The following POLA1 variants were observed in gnomAD, a reference collection of about 807,000 sequenced individuals.
POLA1 encodes DNA polymerase alpha catalytic subunit.
Under a neutral mutation model 124.0 loss-of-function variants are expected in POLA1, and 15 were observed. The observed-to-expected ratio is 0.12, with a 90% CI of 0.08 to 0.19. POLA1 has a LOEUF of 0.19. Ranked by LOEUF, POLA1 falls within the 10% of genes least tolerant of loss-of-function variation. The pLI is 1.00. For missense variants in POLA1, 886 were observed against 1,103.4 expected (o/e 0.80, Z 2.79); for synonymous variants, 408 against 389.4 (o/e 1.05, Z -0.56).
At chrX:24,788,875 T>C (rs2045429162) in intron 26 of POLA1, 1 of 1,198,267 alleles carries the variant, frequency 8.3e-7, no homozygotes, top group Non-Finnish European at 1.1e-6. Context: ...GGCTGGCCTT[T>C]TCCTTTTCGT....
chrX:24,881,701 G>A (rs1300921665), intron 34 of POLA1, among the ~76,000 whole-genome samples: 3 of 111,743 alleles, frequency 2.7e-5, no homozygotes, highest in Non-Finnish European at 5.6e-5. Flanking sequence ...ACAGTGCACC[G>A]CAGTGTGTGT....
At chrX:24,718,744 G>T (rs1245745580) in intron 10 of POLA1, among the ~76,000 whole-genome samples, 2 of 111,975 alleles carry the variant, frequency 1.8e-5, no homozygotes, top group Non-Finnish European at 3.8e-5. Flanking sequence ...CTGGTGTAGG[G>T]TAATGGGGAA....
intron 36 of POLA1, among the ~76,000 whole-genome samples, chrX:24,949,256 A>G (rs1202297768): frequency 1.8e-5 from 2 of 111,768 alleles, no homozygotes; most frequent in African/African-American, 3.2e-5. Flanking sequence ...AAATTTCTAA[A>G]TGGTTGCTAA....
chrX:24,729,910 T>G (rs1433350129), intron 15 of POLA1, among the ~76,000 whole-genome samples: 1 of 110,683 alleles, frequency 9.0e-6, no homozygotes, highest in Non-Finnish European at 1.9e-5. Flanking sequence ...GTTCCAGTGA[T>G]TCTCCTGCCT....
intron 2 of POLA1, among the ~76,000 whole-genome samples, chrX:24,702,573 A>G (rs924560465): frequency 8.9e-6 from 1 of 111,995 alleles, no homozygotes; most frequent in African/African-American, 3.2e-5. Flanking sequence ...GGCAGCCAAT[A>G]TGATTGGAGG....
intron 15 of POLA1, among the ~76,000 whole-genome samples, chrX:24,730,056 C>A (rs1266832591): frequency 1.8e-5 from 2 of 111,167 alleles, no homozygotes; most frequent in African/African-American, 6.6e-5. Flanking sequence ...CCCAGCCTCC[C>A]AAAGTGCTGG....
intron 32 of POLA1, among the ~76,000 whole-genome samples, chrX:24,837,093 A>G (rs1387416632): frequency 8.0e-5 from 9 of 111,813 alleles, no homozygotes; most frequent in Non-Finnish European, 1.5e-4. Flanking sequence ...TGTTCAACCT[A>G]CACAAACATC....
intron 34 of POLA1, among the ~76,000 whole-genome samples, chrX:24,861,156 G>A (rs1309031213): frequency 2.7e-5 from 3 of 111,736 alleles, no homozygotes; most frequent in African/African-American, 9.8e-5. Flanking sequence ...TTTGAGACAG[G>A]GTTTCCACTC....
In POLA1 at chrX:24,812,973, A is replaced by G. The variant is rs5944681; in HGVS notation, c.3296+110A>G. The G allele has an allele frequency of 0.25, 98,101 of 394,601 alleles. 8,347 individuals are homozygous for G. The highest frequency in any genetic ancestry group is 0.42 in the South Asian group (7,002 of 16,498). The allele number at this position is 394,601 out of a possible 1,213,427, so 32.5% of individuals were successfully genotyped here. A position where few individuals can be genotyped will look rare whatever the true frequency, so the allele number is the denominator to read the frequency against. On this transcript the variant is annotated intron_variant, in intron 29 of 36. Coordinates refer to ENST00000379068, the MANE Select transcript of POLA1 (RefSeq NM_001330360.2). ...TCAAGCCCAAGAACACTTCTTTGTTATTTTTATTATTCTTATTAATAAGAA... is the reference window on the plus strand; with the variant it reads ...TCAAGCCCAAGAACACTTCTTTGTTGTTTTTATTATTCTTATTAATAAGAA...
At chrX:24,773,446 G>A (rs896816797) in intron 26 of POLA1, among the ~76,000 whole-genome samples, 1 of 111,815 alleles carries the variant, frequency 8.9e-6, no homozygotes, top group Non-Finnish European at 1.9e-5. Context: ...CATACTGTGG[G>A]CTCCCTGAGC....
chrX:24,866,667 C>T (rs948374324), intron 34 of POLA1, among the ~76,000 whole-genome samples: 6 of 111,296 alleles, frequency 5.4e-5, no homozygotes, highest in African/African-American at 9.8e-5. Flanking sequence ...ATTGTTCCTA[C>T]GAAAAAAGAA....
At chrX:24,981,177 T>C (rs2048416534) in intron 36 of POLA1, among the ~76,000 whole-genome samples, 1 of 112,524 alleles carries the variant, frequency 8.9e-6, no homozygotes, top group Non-Finnish European at 1.9e-5. Flanking sequence ...GTTGTTGTGG[T>C]TGATGATTTA....
chrX:24,754,360 C>T (rs1247564162), intron 26 of POLA1, among the ~76,000 whole-genome samples: 2 of 109,183 alleles, frequency 1.8e-5, no homozygotes, highest in African/African-American at 6.7e-5. Flanking sequence ...CGGGTTCAAG[C>T]GATTCTCCTG....
chrX:24,709,181 C>T (rs1165955946), intron 4 of POLA1, among the ~76,000 whole-genome samples: 5 of 87,874 alleles, frequency 5.7e-5, no homozygotes, highest in Admixed American at 5.7e-4. Flanking sequence ...GGGCGGCTGG[C>T]CGGGCAGGGG....
intron 26 of POLA1, among the ~76,000 whole-genome samples, chrX:24,801,558 G>T (rs1184217109): frequency 9.0e-6 from 1 of 111,168 alleles, no homozygotes; most frequent in Non-Finnish European, 1.9e-5. Flanking sequence ...GGGATACATA[G>T]GACTAGGATA....
At chrX:24,840,461 C>A (rs887766628) in intron 32 of POLA1, among the ~76,000 whole-genome samples, 6 of 111,803 alleles carry the variant, frequency 5.4e-5, no homozygotes, top group African/African-American at 1.9e-4. Context: ...TTGTCTTATT[C>A]TTTGTTTGGC....
intron 12 of POLA1, among the ~76,000 whole-genome samples, chrX:24,725,356 A>G (rs1259886309): frequency 9.1e-6 from 1 of 109,783 alleles, no homozygotes. Flanking sequence ...CACAATGCCC[A>G]GCTAATTTTT....
Position 24,849,571 on chromosome X carries a change from C to A in POLA1, c.4047+5894C>A, listed in dbSNP as rs188269234. Among the ~76,000 whole-genome samples, 6 of 110,600 alleles carry A rather than the reference C, an allele frequency of 5.4e-5. No individual in the cohort carries two copies. The Admixed American group carries it at 5.7e-4, about 11-fold the overall frequency. On this transcript the variant is annotated intron_variant, in intron 34 of 36. Transcript: ENST00000379068. Reference sequence around the variant, plus strand: ...TGCAGCCTTGAACTCCAGCAATCCTCCTGCCTCAGCCTCCCAAGTAGCCAG... The same window carrying A: ...TGCAGCCTTGAACTCCAGCAATCCTACTGCCTCAGCCTCCCAAGTAGCCAG...
intron 36 of POLA1, among the ~76,000 whole-genome samples, chrX:24,985,575 G>C (rs769388716): frequency 3.6e-5 from 4 of 112,107 alleles, no homozygotes; most frequent in Non-Finnish European, 7.5e-5. Flanking sequence ...AAACCCTCTA[G>C]AGAGAATTTA....
Sources: allele counts gnomAD v4.1 joint callset (sites outside exome capture counted in the v4.1 genomes callset), GRCh38; gene constraint gnomAD v4.1.1; transcripts MANE v1.5; gene names NCBI Gene and HGNC (gene_info 2026-07-23, HGNC 2026-07-21).